AASDH: variants seen among roughly 807,000 people sequenced by gnomAD.
AASDH encodes the protein beta-alanine-activating enzyme.
AASDH carries 81 observed loss-of-function variants against 102.3 expected under a neutral mutation model. That is an observed-to-expected ratio of 0.79 (90% CI 0.66 to 0.95). The LOEUF is 0.95. Among genes scored for constraint, AASDH ranks in the 40% least tolerant of loss-of-function variants. AASDH has a pLI of 0.00. For missense variants in AASDH, 1,203 were observed against 1,266.2 expected (o/e 0.95, Z 0.76); for synonymous variants, 398 against 454.0 (o/e 0.88, Z 1.57).
intron 3 of AASDH, among the ~76,000 whole-genome samples, chr4:56,381,151 A>C (rs886555910): frequency 2.6e-5 from 4 of 152,248 alleles, no homozygotes; most frequent in African/African-American, 9.6e-5. Flanking sequence ...ATTTTCACTA[A>C]GATTGCTAAG....
Position 56,354,216 on chromosome 4 carries a change from C to A in AASDH, c.1211-5G>T. 1 of 1,555,912 alleles carries A rather than the reference C, an allele frequency of 6.4e-7. No individual in the cohort carries two copies. Among genetic ancestry groups the A allele is most frequent in the Non-Finnish European group, 8.7e-7 (1 of 1,149,490 alleles). ...AACACACTCTGTTTCTGCCACCTTC[C>A]CAAGATATAAACACCAATGTCATAA... On this transcript the variant is annotated splice_region_variant and splice_polypyrimidine_tract_variant and intron_variant, in intron 7 of 14. Coordinates refer to ENST00000205214, the MANE Select transcript of AASDH (RefSeq NM_181806.4).
chr4:56,378,381 G>A lies in AASDH; in HGVS notation c.435C>T (p.His145=), dbSNP rs1184894811. The A allele has an allele frequency of 6.2e-7, 1 of 1,613,722 alleles. No homozygotes were observed. Among genetic ancestry groups the A allele is most frequent in the Admixed American group, 1.7e-5 (1 of 60,010 alleles). The change falls in exon 4 of 15, where the codon CAC becomes CAT. Residue 145 remains histidine, a synonymous_variant. Coordinates refer to ENST00000205214, the MANE Select transcript of AASDH (RefSeq NM_181806.4). ...TCAAGTTCACCTCAGTATTTTTCCA[G>A]TGAAGTCTGAAGAGCACTAGGTCAT... ...EHNDLVLFRL[H]WKNTEVNLML... is the part of the protein sequence containing the mutation.
intron 14 of AASDH, 46 bp downstream of exon 14, chr4:56,342,789 A>ATATATATAAAAAATTT: frequency 1.4e-6 from 1 of 724,278 alleles, no homozygotes; most frequent in Admixed American, 5.1e-5. Context: ...ATATACATTT[A>ATATATATAAAAAATTT]TATATATATA....
At chr4:56,342,725 T>A (rs1747843987) in intron 14 of AASDH, 110 bp downstream of exon 14, 2 of 400,246 alleles carry the variant, frequency 5.0e-6, no homozygotes, top group Non-Finnish European at 7.3e-6. Context: ...AAAGTAAATT[T>A]AAAAAATATA....
At chr4:56,339,748 C>CCAA (rs1747424672) in intron 14 of AASDH, among the ~76,000 whole-genome samples, 1 of 127,932 alleles carries the variant, frequency 7.8e-6, no homozygotes, top group Non-Finnish European at 1.6e-5. Flanking sequence ...GACCTTGTTT[C>CCAA]AAAAAAAAAA....
At chr4:56,366,398 C>G (rs143457917) in intron 5 of AASDH, among the ~76,000 whole-genome samples, 2,434 of 152,230 alleles carry the variant, frequency 0.016, 75 homozygotes, top group African/African-American at 0.055. Flanking sequence ...GATAGCAAAG[C>G]CTGGCAGAGA....
intron 5 of AASDH, among the ~76,000 whole-genome samples, chr4:56,362,813 C>T (rs1338954821): frequency 1.3e-5 from 2 of 152,100 alleles, no homozygotes; most frequent in African/African-American, 2.4e-5. Flanking sequence ...GCGTGAGCGA[C>T]GCAGAAGACG....
At chr4:56,350,690 T>C (rs115497948) in intron 10 of AASDH, among the ~76,000 whole-genome samples, 117 of 152,010 alleles carry the variant, frequency 7.7e-4, no homozygotes, top group African/African-American at 2.6e-3. Context: ...CAATAGCCAA[T>C]ATTTCTATAA....
At chr4:56,373,501 G>A (rs1751981157) in intron 4 of AASDH, among the ~76,000 whole-genome samples, 1 of 152,078 alleles carries the variant, frequency 6.6e-6, no homozygotes, top group South Asian at 2.1e-4. Flanking sequence ...CCTGCCTTGG[G>A]GAGAAAGAGA....
In AASDH at chr4:56,354,757, GACTTCAACTAC is replaced by G; in HGVS notation, c.1147_1157del (p.Val383GlnfsTer4). 6.2e-7 allele frequency: 1 copy of G among 1,611,472 alleles called. No individual in the cohort carries two copies. The highest frequency in any genetic ancestry group is 1.7e-4 in the Middle Eastern group (1 of 6,050). Reference sequence around the variant, plus strand: ...GAATTGTGAAGCCATTAGTATCTCTGACTTCAACTACTGTTCCAAGAAGTGGAAATCCCAGT... The same window carrying G: ...GAATTGTGAAGCCATTAGTATCTCTGTGTTCCAAGAAGTGGAAATCCCAGT... On this transcript the variant is annotated frameshift_variant, in exon 7 of 15. Transcript: ENST00000205214. LOFTEE classifies it high-confidence loss of function.
chr4:56,377,864 G>C (rs1416662849), intron 4 of AASDH, among the ~76,000 whole-genome samples: 1 of 152,136 alleles, frequency 6.6e-6, no homozygotes, highest in Non-Finnish European at 1.5e-5. Flanking sequence ...GAGTGCAGTG[G>C]CATAGTCTCA....
Position 56,338,441 on chromosome 4 carries a change from A to G in AASDH, c.3258T>C (p.Tyr1086=), listed in dbSNP as rs745468539. Residue 1086 remains tyrosine (Y), a synonymous_variant, in exon 15 of 15, where the codon TAT becomes TAC. Coordinates refer to ENST00000205214, the MANE Select transcript of AASDH (RefSeq NM_181806.4). ...SMLIIGCRDN[Y]VYCLDLLGGN... is the part of the protein sequence containing the mutation. ...CACCCAATAAATCCAGACAATAAAC[A>G]TAATTATCTCTACACCCAATAATGA... 6 of 1,613,862 alleles carry G rather than the reference A, an allele frequency of 3.7e-6. No individual in the cohort carries two copies. The East Asian group carries it at 6.7e-5, about 18-fold the overall frequency.
chr4:56,364,700 A>C (rs1185997777), intron 5 of AASDH, among the ~76,000 whole-genome samples: 2 of 152,220 alleles, frequency 1.3e-5, no homozygotes, highest in East Asian at 3.8e-4. Context: ...GCCTGCCCTA[A>C]AAGAGCTCTT....
intron 1 of AASDH, among the ~76,000 whole-genome samples, chr4:56,386,871 AT>A (rs1282265004): frequency 6.6e-6 from 1 of 151,982 alleles, no homozygotes; most frequent in Non-Finnish European, 1.5e-5. Flanking sequence ...TGTAAAAGGA[AT>A]AAATTTACTT....
intron 4 of AASDH, among the ~76,000 whole-genome samples, chr4:56,375,289 T>C (rs1034587998): frequency 3.9e-5 from 6 of 152,154 alleles, no homozygotes; most frequent in African/African-American, 1.4e-4. Flanking sequence ...CTGGTAATAT[T>C]TGGGGAGCCA....
intron 5 of AASDH, among the ~76,000 whole-genome samples, chr4:56,364,011 G>A (rs1425997533): frequency 6.6e-6 from 1 of 152,148 alleles, no homozygotes; most frequent in East Asian, 1.9e-4. Context: ...AATAACCAAT[G>A]CAGAGAAGTC....
At chr4:56,369,958 A>C (rs1124569) in intron 5 of AASDH, among the ~76,000 whole-genome samples, 24,784 of 150,284 alleles carry the variant, frequency 0.16, 2,353 homozygotes, top group Admixed American at 0.3. Context: ...AAAAAAAAAA[A>C]AAAAACAGAC....
At chr4:56,370,052 C>T (rs1331908156) in intron 5 of AASDH, among the ~76,000 whole-genome samples, 1 of 151,994 alleles carries the variant, frequency 6.6e-6, no homozygotes, top group Admixed American at 6.6e-5. Flanking sequence ...GTGTCTCCCC[C>T]TCAAATTTGT....
chr4:56,351,348 C>T lies in AASDH; in HGVS notation c.1686G>A (p.Leu562=). The change falls in exon 10 of 15, where the codon TTG becomes TTA. Residue 562 remains leucine, a synonymous_variant. Coordinates refer to ENST00000205214, the MANE Select transcript of AASDH (RefSeq NM_181806.4). ...KEDLWEKLQY[L]WKSTLNLPED... is the part of the protein sequence containing the mutation. Reference sequence around the variant, plus strand: ...TATAACTTAAAAATTGTACCTTCCACAAATACTGTAATTTTTCCCAAAGGT... The same window carrying T: ...TATAACTTAAAAATTGTACCTTCCATAAATACTGTAATTTTTCCCAAAGGT... 3 of 1,563,470 alleles carry T rather than the reference C, an allele frequency of 1.9e-6. No individual in the cohort carries two copies. Among genetic ancestry groups the T allele is most frequent in the Non-Finnish European group, 2.6e-6 (3 of 1,139,366 alleles).
Sources: gnomAD v4.1 joint callset for allele counts (sites outside exome capture counted in the v4.1 genomes callset) on GRCh38, gnomAD v4.1.1 for gene constraint, MANE v1.5 for transcripts, NCBI Gene and HGNC (gene_info 2026-07-23, HGNC 2026-07-21) for gene names.